The following MROH2A variants were observed in gnomAD, a reference collection of about 807,000 sequenced individuals.
The protein encoded by MROH2A is maestro heat-like repeat-containing protein family member 2A.
Under a neutral mutation model 200.4 loss-of-function variants are expected in MROH2A, and 174 were observed. The ratio of observed to expected loss-of-function variants is 0.87; its 90% CI spans 0.77 to 0.98. The LOEUF is 0.98. MROH2A is among the 50% of genes least tolerant of loss of function. MROH2A has a pLI of 0.00. For missense variants in MROH2A, 2,045 were observed against 2,139.6 expected (o/e 0.96, Z 0.87); for synonymous variants, 829 against 840.4 (o/e 0.99, Z 0.23).
chr2:233,832,509 T>C, intron 40 of MROH2A, 70 bp from the exon 41 acceptor site: 1 of 1,254,310 alleles, frequency 8.0e-7, no homozygotes, highest in Non-Finnish European at 1.1e-6. Flanking sequence ...GTAAAGTAAG[T>C]AAACCACAGG....
chr2:233,779,030 C>T (rs1700802164), intron 1 of MROH2A, among the ~76,000 whole-genome samples: 2 of 152,204 alleles, frequency 1.3e-5, no homozygotes, highest in Non-Finnish European at 1.5e-5. Flanking sequence ...ACGTGGCCCT[C>T]ACCACAGGCA....
chr2:233,814,510 G>T, intron 25 of MROH2A, 72 bp from the exon 26 acceptor site: 2 of 1,089,102 alleles, frequency 1.8e-6, no homozygotes, highest in Non-Finnish European at 1.4e-6. Context: ...TCCCTGGCAT[G>T]AACTCCCTGC....
At chr2:233,810,294 G>C (rs1575974651) in intron 22 of MROH2A, among the ~76,000 whole-genome samples, 2 of 152,226 alleles carry the variant, frequency 1.3e-5, no homozygotes, top group Non-Finnish European at 1.5e-5. Context: ...TGACTAGGGT[G>C]GCCTCAGAAT....
Position 233,807,149 on chromosome 2 carries a change from T to C in MROH2A, c.2053-274T>C, listed in dbSNP as rs1487401929. 1.4e-5 allele frequency among the ~76,000 whole-genome samples: 1 copy of C among 69,378 alleles called. No homozygotes were observed. Among genetic ancestry groups the C allele is most frequent in the Non-Finnish European group, 2.4e-5 (1 of 40,958 alleles). The allele number at this position is 69,378 out of a possible 152,430, so 45.5% of individuals were successfully genotyped here. On this transcript the variant is annotated intron_variant, in intron 19 of 41. Transcript: ENST00000389758. The surrounding 1 kb of genome is among the most constrained non-coding windows in gnomAD (Gnocchi z 4.3). ...TTTTTGTGGCTGAGTAGTATTCCAT[T>C]ATATATATATATAATATGAACTGAT...
At chr2:233,801,356 G>A (rs1437827933) in intron 14 of MROH2A, among the ~76,000 whole-genome samples, 1 of 152,172 alleles carries the variant, frequency 6.6e-6, no homozygotes, top group Non-Finnish European at 1.5e-5. Context: ...TTAGTCGGGG[G>A]TGTTGAACGG....
chr2:233,815,762 A>G (rs1394812663), intron 26 of MROH2A, among the ~76,000 whole-genome samples: 1 of 148,248 alleles, frequency 6.7e-6, no homozygotes, highest in Non-Finnish European at 1.5e-5. Flanking sequence ...CCTATGGTAC[A>G]CCAATACTGC....
upstream of MROH2A, among the ~76,000 whole-genome samples, chr2:233,776,438 C>T (rs28899475): frequency 1.0e-3 from 157 of 150,710 alleles, no homozygotes; most frequent in African/African-American, 3.5e-3. Flanking sequence ...TCACTGCAAC[C>T]TCCGCCTCCT....
chr2:233,810,799 C>A lies in MROH2A; in HGVS notation c.2454C>A (p.Ile818=), dbSNP rs1480866056. 1 of 1,550,306 alleles carries A rather than the reference C, an allele frequency of 6.5e-7. No homozygotes were observed. The highest frequency in any genetic ancestry group is 1.4e-5 in the African/African-American group (1 of 73,184). ...IHHYVSSCQD[I]CLKMAFMKSV... is the part of the protein sequence containing the mutation. ...TTTTCCCCTTCTGGGCTCAGGACATCTGTCTCAAAATGGCCTTCATGAAGA... is the reference window on the plus strand; with the variant it reads ...TTTTCCCCTTCTGGGCTCAGGACATATGTCTCAAAATGGCCTTCATGAAGA... Residue 818 remains isoleucine (I), a synonymous_variant, in exon 23 of 42, where the codon ATC becomes ATA. Coordinates refer to ENST00000389758, the MANE Select transcript of MROH2A (RefSeq NM_001394639.1).
rs542428796 is a variant in MROH2A at position 233,811,950 on chromosome 2, C to T, written c.2642C>T (p.Ser881Leu). Residue 881 changes from serine (S) to leucine (L), a missense_variant, in exon 24 of 42, where the codon TCG becomes TTG. Physicochemically the swap from Ser to Leu is moderately radical, Grantham distance 145 (BLOSUM62 -2). Transcript: ENST00000389758. ...PVRALAMEAL[S>L]HLSKLKPFYS... is the part of the protein sequence containing the mutation. ...CGAGCCTTGGCGATGGAGGCCCTCT[C>T]GCACCTGAGGTGAGCTGGGTTCCCA... is the stretch of plus-strand genomic sequence containing the variant. The T allele has an allele frequency of 1.2e-4, 184 of 1,549,510 alleles. No individual in the cohort carries two copies. In the East Asian group the frequency reaches 2.2e-3, roughly 19 times the overall value.
At chr2:233,810,768 C>T (rs1223791346) in intron 22 of MROH2A, 26 bp from the exon 23 acceptor site, 1 of 1,548,612 alleles carries the variant, frequency 6.5e-7, no homozygotes, top group South Asian at 1.2e-5. Context: ...AACATTCTCT[C>T]CCTCCTTTTC....
At chr2:233,787,509 TATATATACATATATATTACATATATC>T (rs1370610851) in intron 3 of MROH2A, among the ~76,000 whole-genome samples, 11 of 124,150 alleles carry the variant, frequency 8.9e-5, no homozygotes, top group Non-Finnish European at 1.1e-4. Context: ...ACATATATAT[TATATATACATATATATTACATATATC>T]ATATATACAT....
chr2:233,818,592 A>AGG lies in MROH2A; in HGVS notation c.3086-54_3086-53dup. 7 of 1,087,478 alleles carry AGG rather than the reference A, an allele frequency of 6.4e-6. No individual in the cohort carries two copies. The South Asian group carries it at 8.0e-5, about 12-fold the overall frequency. The allele number at this position is 1,087,478 out of a possible 1,614,324, so 67.4% of individuals were successfully genotyped here. ...AAGCCAGGGCAGGAGGTAGCCACGA[A>AGG]GGGGGGGTGGCTGGGCCTTTTGTCC... On this transcript the variant is annotated intron_variant, in intron 28 of 41. Coordinates refer to ENST00000389758, the MANE Select transcript of MROH2A (RefSeq NM_001394639.1).
chr2:233,815,500 TC>T (rs149814596), intron 26 of MROH2A, among the ~76,000 whole-genome samples: 4,601 of 152,354 alleles, frequency 0.03, 103 homozygotes, highest in Non-Finnish European at 0.048. Flanking sequence ...TATGTTTTCT[TC>T]CAGAAGTTTT....
intron 5 of MROH2A, among the ~76,000 whole-genome samples, chr2:233,790,920 G>T (rs1701719983): frequency 6.6e-6 from 1 of 152,204 alleles, no homozygotes; most frequent in Non-Finnish European, 1.5e-5. Flanking sequence ...CTGGCTAAGG[G>T]AGGGGACCTC....
At chr2:233,829,500 G>A in intron 37 of MROH2A, 120 bp from the exon 38 acceptor site, 1 of 1,002,868 alleles carries the variant, frequency 1.0e-6, no homozygotes, top group African/African-American at 1.7e-5. Context: ...ACTACACCCT[G>A]ACGGAATGAT....
At chr2:233,832,733 A>G in intron 41 of MROH2A, 89 bp downstream of exon 41, 4 of 559,046 alleles carry the variant, frequency 7.2e-6, no homozygotes, top group Non-Finnish European at 1.3e-5. Flanking sequence ...GAAGAGCCAG[A>G]GGACCCTTTG....
intron 28 of MROH2A, 116 bp downstream of exon 28, chr2:233,818,241 TGGAGACAAACACA>T (rs773843750): frequency 3.6e-5 from 46 of 1,290,164 alleles, no homozygotes; most frequent in Middle Eastern, 4.0e-4. Flanking sequence ...CAGGCAGGCA[TGGAGACAAACACA>T]GGTGACCATC....
intron 26 of MROH2A, among the ~76,000 whole-genome samples, chr2:233,816,358 CT>C (rs1703527384): frequency 1.3e-5 from 2 of 152,160 alleles, no homozygotes; most frequent in Admixed American, 1.3e-4. Context: ...TATTATTTAG[CT>C]ATGTTATTAG....
Position 233,828,572 on chromosome 2 carries a change from C to A in MROH2A, c.4114-58C>A. 6.5e-7 allele frequency: 1 copy of A among 1,531,900 alleles called. No individual in the cohort carries two copies. Among genetic ancestry groups the A allele is most frequent in the South Asian group, 1.2e-5 (1 of 82,498 alleles). The allele number at this position is 1,531,900 out of a possible 1,614,324, so 94.9% of individuals were successfully genotyped here. ...CATTACCTCTCCTCCCACGTCCCACCTTGCTGCTGAGAAATGAGCCCGCCC... is the reference window on the plus strand; with the variant it reads ...CATTACCTCTCCTCCCACGTCCCACATTGCTGCTGAGAAATGAGCCCGCCC... On this transcript the variant is annotated intron_variant, in intron 35 of 41. Coordinates refer to ENST00000389758, the MANE Select transcript of MROH2A (RefSeq NM_001394639.1). This position sits in a 1 kb window ranked among gnomAD's most constrained non-coding sequence, Gnocchi z 4.6.
Sources: allele counts gnomAD v4.1 joint callset (sites outside exome capture counted in the v4.1 genomes callset), GRCh38; gene constraint gnomAD v4.1.1; non-coding constraint Gnocchi (gnomAD v3.1); transcripts MANE v1.5; gene names NCBI Gene and HGNC (gene_info 2026-07-23, HGNC 2026-07-21).